Variants in SLC6A11 observed in about 807,000 individuals in gnomAD.
SLC6A11 encodes solute carrier family 6 member 11.
SLC6A11 carries 25 observed loss-of-function variants against 74.8 expected under a neutral mutation model. The observed-to-expected ratio is 0.33, with a 90% CI of 0.24 to 0.47. SLC6A11 has a LOEUF of 0.47. SLC6A11 is among the 20% of genes least tolerant of loss of function. The probability of loss-of-function intolerance (pLI) is 1.00; values close to 1 mark genes in which losing one functional copy is unlikely to be tolerated. For synonymous variants in SLC6A11, 330 were observed against 330.2 expected (o/e 1.00, Z 0.01); for missense variants, 574 against 837.0 (o/e 0.69, Z 3.88).
intron 8 of SLC6A11, among the ~76,000 whole-genome samples, chr3:10,924,940 G>A (rs1477879990): frequency 1.3e-5 from 2 of 152,176 alleles, no homozygotes; most frequent in African/African-American, 4.8e-5. Flanking sequence ...TTCTTAGAAC[G>A]TTAAACATAT....
chr3:10,867,432 G>A (rs998151388), intron 5 of SLC6A11, among the ~76,000 whole-genome samples: 3 of 152,214 alleles, frequency 2.0e-5, no homozygotes, highest in Non-Finnish European at 2.9e-5. Flanking sequence ...CTCAAGTGGT[G>A]TGAAAATTAG....
At chr3:10,928,832 C>G (rs1195321536) in intron 9 of SLC6A11, among the ~76,000 whole-genome samples, 1 of 152,084 alleles carries the variant, frequency 6.6e-6, no homozygotes, top group Non-Finnish European at 1.5e-5. Flanking sequence ...AGGGGCTGGT[C>G]TCATTTAAGT....
chr3:10,889,103 G>T (rs1695078612), intron 6 of SLC6A11, among the ~76,000 whole-genome samples: 1 of 152,070 alleles, frequency 6.6e-6, no homozygotes. Context: ...TAGATTAATA[G>T]ATTTTTATTA....
chr3:10,911,443 A>G (rs1695387104), intron 6 of SLC6A11, among the ~76,000 whole-genome samples: 1 of 152,178 alleles, frequency 6.6e-6, no homozygotes, highest in South Asian at 2.1e-4. Context: ...GAAAGTAGTT[A>G]TCTTGTGTAC....
chr3:10,899,463 T>C (rs1695211113), intron 6 of SLC6A11, among the ~76,000 whole-genome samples: 2 of 152,228 alleles, frequency 1.3e-5, no homozygotes, highest in African/African-American at 4.8e-5. Context: ...ATTTTCCTAC[T>C]TGGGAACTTT....
intron 3 of SLC6A11, among the ~76,000 whole-genome samples, chr3:10,820,975 G>C (rs1694131410): frequency 1.3e-5 from 2 of 152,186 alleles, no homozygotes. Context: ...GCAGGTGGTA[G>C]ACCTAGGAGA....
At chr3:10,831,541 C>T (rs1694297784) in intron 4 of SLC6A11, among the ~76,000 whole-genome samples, 1 of 151,904 alleles carries the variant, frequency 6.6e-6, no homozygotes, top group African/African-American at 2.4e-5. Flanking sequence ...GCCTTTATAA[C>T]CATAAACCAT....
rs115927439 is a variant in SLC6A11, at chr3:10,830,698, G to A, written c.623+7306G>A. 2.8e-3 allele frequency among the ~76,000 whole-genome samples: 425 copies of A among 152,300 alleles called. 1 individual carries two copies. Among genetic ancestry groups the A allele is most frequent in the Admixed American group, 5.2e-3 (80 of 15,298 alleles). On this transcript the variant is annotated intron_variant, in intron 4 of 13. Coordinates refer to ENST00000254488, the MANE Select transcript of SLC6A11 (RefSeq NM_014229.3). Reference sequence around the variant, plus strand: ...TGGAGGTCCCAGGAGCTACAGGGCCGAGGGAGCAGCAGGGGTGGTGACCCC... The same window carrying A: ...TGGAGGTCCCAGGAGCTACAGGGCCAAGGGAGCAGCAGGGGTGGTGACCCC...
chr3:10,930,513 C>T (rs573076970), intron 10 of SLC6A11, among the ~76,000 whole-genome samples: 2 of 152,140 alleles, frequency 1.3e-5, no homozygotes, highest in East Asian at 1.9e-4. Flanking sequence ...ATAAATGGTA[C>T]GGTGCTTCCC....
intron 5 of SLC6A11, among the ~76,000 whole-genome samples, chr3:10,850,784 G>C (rs12497527): frequency 6.6e-6 from 1 of 152,044 alleles, no homozygotes; most frequent in Non-Finnish European, 1.5e-5. Context: ...GGGATAGCAC[G>C]GTCTATTTTC....
chr3:10,817,368 C>T (rs1314846984), intron 1 of SLC6A11, among the ~76,000 whole-genome samples: 1 of 152,174 alleles, frequency 6.6e-6, no homozygotes. Context: ...GTGACAGCCT[C>T]TCAAAGTCAG....
rs796296211 is a variant in SLC6A11 at position 10,933,883 on chromosome 3, G to T, written c.1475-183G>T. ...CCAGTAGTGGGCCAGCATCCCTCCT[G>T]CTGCTCTTTATTCTGAAACCTCACA... is the stretch of plus-strand genomic sequence containing the variant. On this transcript the variant is annotated intron_variant, in intron 11 of 13. Transcript: ENST00000254488. 11 of 512,512 alleles carry T rather than the reference G, an allele frequency of 2.1e-5. No homozygotes were observed. The South Asian group carries it at 2.7e-4, about 13-fold the overall frequency. The allele number at this position is 512,512 out of a possible 1,614,324, so 31.7% of individuals were successfully genotyped here.
In SLC6A11 at chr3:10,915,301, G is replaced by A. The variant is rs756798364; in HGVS notation, c.996-3028G>A. 8.5e-5 allele frequency among the ~76,000 whole-genome samples: 13 copies of A among 152,072 alleles called. No homozygotes were observed. The highest frequency in any genetic ancestry group is 1.8e-4 in the Non-Finnish European group (12 of 68,008). Reference sequence around the variant, plus strand: ...GGAGGATGTATGCTGTCAGCCATGGGTCCCTTCTGCTTCCCCCTCCAGCAG... The same window carrying A: ...GGAGGATGTATGCTGTCAGCCATGGATCCCTTCTGCTTCCCCCTCCAGCAG... On this transcript the variant is annotated intron_variant, in intron 7 of 13. Coordinates refer to ENST00000254488, the MANE Select transcript of SLC6A11 (RefSeq NM_014229.3). The surrounding 1 kb of genome is among the most constrained non-coding windows in gnomAD (Gnocchi z 4.3).
chr3:10,888,493 C>T (rs1355274127), intron 6 of SLC6A11, among the ~76,000 whole-genome samples: 4 of 152,120 alleles, frequency 2.6e-5, no homozygotes, highest in African/African-American at 7.2e-5. Flanking sequence ...CTAGTGCCAT[C>T]GTGTGAGTTT....
In SLC6A11 at chr3:10,819,737, T is replaced by A. The variant is rs778232070; in HGVS notation, c.417T>A (p.Ile139=). Residue 139 remains isoleucine, a synonymous_variant, in exon 3 of 14, where the codon ATT becomes ATA. Coordinates refer to ENST00000254488, the MANE Select transcript of SLC6A11 (RefSeq NM_014229.3). The part of the protein sequence containing the change: ...FEGIGYATQV[I]EAHLNVYYII... Reference sequence around the variant, plus strand: ...GCATTGGCTATGCAACACAGGTGATTGAGGCCCATCTGAATGTGTACTACA... The same window carrying A: ...GCATTGGCTATGCAACACAGGTGATAGAGGCCCATCTGAATGTGTACTACA... The A allele has an allele frequency of 1.9e-6, 3 of 1,614,214 alleles. No homozygotes were observed. The highest frequency in any genetic ancestry group is 3.3e-5 in the Admixed American group (2 of 60,028).
intron 6 of SLC6A11, among the ~76,000 whole-genome samples, chr3:10,896,164 C>T (rs561546006): frequency 5.1e-4 from 78 of 152,324 alleles, no homozygotes; most frequent in African/African-American, 1.7e-3. Context: ...GCCTCCTGCC[C>T]TTTGTAGAAC....
intron 4 of SLC6A11, among the ~76,000 whole-genome samples, chr3:10,828,672 TC>T (rs1201282241): frequency 2.0e-5 from 3 of 152,188 alleles, no homozygotes; most frequent in Non-Finnish European, 4.4e-5. Flanking sequence ...ATCCTGTGTG[TC>T]TGGCTCCTTC....
Position 10,816,576 on chromosome 3 carries a change from G to T in SLC6A11, c.256+55G>T. On this transcript the variant is annotated intron_variant, in intron 1 of 13. Coordinates refer to ENST00000254488, the MANE Select transcript of SLC6A11 (RefSeq NM_014229.3). This position sits in a 1 kb window ranked among gnomAD's most constrained non-coding sequence, Gnocchi z 4.2. ...GGCGCCAACCGCCCGGTGGGGGCGG[G>T]GAGCCAGGGGCGAGCGCGAGACCCC... The T allele has an allele frequency of 6.8e-7, 1 of 1,479,878 alleles. No homozygotes were observed. The highest frequency in any genetic ancestry group is 1.3e-5 in the South Asian group (1 of 74,482). 91.7% of individuals were successfully genotyped at this position (1,479,878 alleles called of 1,614,324 possible). A position where few individuals can be genotyped will look rare whatever the true frequency, so the allele number is the denominator to read the frequency against.
chr3:10,830,713 G>A (rs2106577281), intron 4 of SLC6A11, among the ~76,000 whole-genome samples: 1 of 152,286 alleles, frequency 6.6e-6, no homozygotes, highest in East Asian at 1.9e-4. Context: ...AGCAGCAGGG[G>A]TGGTGACCCC....
Sources: allele counts gnomAD v4.1 joint callset (sites outside exome capture counted in the v4.1 genomes callset), GRCh38; gene constraint gnomAD v4.1.1; non-coding constraint Gnocchi (gnomAD v3.1); transcripts MANE v1.5; gene names NCBI Gene and HGNC (gene_info 2026-07-23, HGNC 2026-07-21).